Variants in FAM114A1 observed in about 807,000 individuals in gnomAD.
FAM114A1 encodes the protein family with sequence similarity 114 member A1, also known as protein NOXP20.
A neutral mutation model predicts 64.3 loss-of-function variants in FAM114A1; 62 were observed. The ratio of observed to expected loss-of-function variants is 0.96; its 90% CI spans 0.79 to 1.19. The LOEUF (loss-of-function observed/expected upper bound fraction) is 1.19. Ranked by LOEUF, FAM114A1 falls within the 50% of genes most tolerant of loss-of-function variation. FAM114A1 has a pLI of 0.00. For missense variants in FAM114A1, 645 were observed against 676.3 expected (o/e 0.95, Z 0.51); for synonymous variants, 254 against 251.1 (o/e 1.01, Z -0.11).
At chr4:38,905,084 CTCTT>C (rs1717856037) in intron 4 of FAM114A1, among the ~76,000 whole-genome samples, 1 of 152,146 alleles carries the variant, frequency 6.6e-6, no homozygotes, top group Non-Finnish European at 1.5e-5. Flanking sequence ...GCAGGGATTC[CTCTT>C]TCTTTCAATC....
rs117679360 is a variant in FAM114A1, at chr4:38,914,989, G to A, written c.861G>A (p.Ala287=). 2,476 of 1,614,104 alleles carry A rather than the reference G, an allele frequency of 1.5e-3. 60 individuals are homozygous for A. In the East Asian group the frequency reaches 0.05, roughly 33 times the overall value. The stretch of plus-strand genomic sequence containing the variant: ...AGCAGCTCACGATGGAGAGAACCGC[G>A]CACTACGGGATGCTGTTTGATGAAT... The part of the protein sequence containing the change: ...LAQQLTMERT[A]HYGMLFDEYQ... Residue 287 remains alanine (A), a synonymous_variant, in exon 8 of 15, where the codon GCG becomes GCA. Transcript: ENST00000358869.
intron 4 of FAM114A1, among the ~76,000 whole-genome samples, chr4:38,894,484 C>A (rs2109619979): frequency 6.6e-6 from 1 of 152,260 alleles, no homozygotes; most frequent in Middle Eastern, 3.4e-3. Flanking sequence ...TAATATCCCG[C>A]TTTTTAAGTA....
intron 5 of FAM114A1, 21 bp from the exon 6 acceptor site, chr4:38,905,734 G>A: frequency 1.2e-6 from 2 of 1,611,530 alleles, no homozygotes; most frequent in Non-Finnish European, 1.7e-6. Context: ...AACTCTTAAA[G>A]GATTTCTTTT....
chr4:38,886,075 A>G (rs781171969), intron 3 of FAM114A1, among the ~76,000 whole-genome samples: 38 of 152,096 alleles, frequency 2.5e-4, no homozygotes, highest in Non-Finnish European at 2.4e-4. Context: ...ACAGGAAGCC[A>G]CTTGACCTTG....
chr4:38,877,804 A>AAAACAC (rs1714798344), intron 2 of FAM114A1, among the ~76,000 whole-genome samples: 1 of 152,166 alleles, frequency 6.6e-6, no homozygotes, highest in African/African-American at 2.4e-5. Flanking sequence ...GTTTCTACTA[A>AAAACAC]AAACACAAAA....
intron 7 of FAM114A1, 93 bp from the exon 8 acceptor site, chr4:38,914,828 C>G: frequency 7.1e-7 from 1 of 1,408,658 alleles, no homozygotes; most frequent in Non-Finnish European, 9.5e-7. Context: ...CTCTCCAACA[C>G]AAAATCAGTC....
In FAM114A1 at chr4:38,943,394, G is replaced by A. The variant is rs1483913785; in HGVS notation, c.1591-62G>A. On this transcript the variant is annotated intron_variant, in intron 14 of 14. Transcript: ENST00000358869. ...GAAGAGTGGGAACATTATCCAATTGGAAGTATTGTCAAGGTTGAACTATGA... is the reference window on the plus strand; with the variant it reads ...GAAGAGTGGGAACATTATCCAATTGAAAGTATTGTCAAGGTTGAACTATGA... 7.3e-6 allele frequency: 10 copies of A among 1,367,930 alleles called. No individual in the cohort carries two copies. In the African/African-American group the frequency reaches 1.1e-4, roughly 16 times the overall value. 84.7% of individuals were successfully genotyped at this position (1,367,930 alleles called of 1,614,324 possible). A position where few individuals can be genotyped will look rare whatever the true frequency, so the allele number is the denominator to read the frequency against.
At chr4:38,886,958 G>A (rs939237944) in intron 3 of FAM114A1, among the ~76,000 whole-genome samples, 1 of 151,404 alleles carries the variant, frequency 6.6e-6, no homozygotes, top group African/African-American at 2.4e-5. Context: ...AATGTAGCCT[G>A]TACAGGGAAG....
At chr4:38,908,845 CAG>C in intron 7 of FAM114A1, 119 bp downstream of exon 7, 3 of 1,074,320 alleles carry the variant, frequency 2.8e-6, no homozygotes, top group Non-Finnish European at 3.8e-6. Context: ...CACCAAAGAG[CAG>C]AGAGAGAAAA....
chr4:38,916,489 G>T (rs1239095057), intron 8 of FAM114A1, among the ~76,000 whole-genome samples: 4 of 152,174 alleles, frequency 2.6e-5, no homozygotes, highest in Admixed American at 2.6e-4. Flanking sequence ...CCATAAAAAA[G>T]AATGAGTTCA....
At chr4:38,922,501 C>G (rs117021809) in intron 8 of FAM114A1, among the ~76,000 whole-genome samples, 21 of 152,318 alleles carry the variant, frequency 1.4e-4, no homozygotes, top group Admixed American at 1.3e-3. Flanking sequence ...GCAGCACATA[C>G]TGTGTGCAGT....
chr4:38,929,166 T>C (rs937032818), intron 9 of FAM114A1, 76 bp from the exon 10 acceptor site: 18 of 1,147,644 alleles, frequency 1.6e-5, no homozygotes, highest in Non-Finnish European at 1.8e-5. Context: ...AGCTGCAGGC[T>C]GTAATGTTGG....
At chr4:38,921,613 C>G (rs953460037) in intron 8 of FAM114A1, among the ~76,000 whole-genome samples, 7 of 152,182 alleles carry the variant, frequency 4.6e-5, no homozygotes, top group Non-Finnish European at 7.3e-5. Context: ...AAGAGGGGCT[C>G]TAAAGACAGT....
rs772054624 is a variant in FAM114A1, at chr4:38,943,512, G to T, written c.1647G>T (p.Leu549=). The part of the protein sequence containing the change: ...QDAFQLLLPV[L]QVSHIQTSCL... ...CCTTCCAGCTGCTGCTGCCTGTTCT[G>T]CAGGTCTCACATATCCAGACCAGTT... Residue 549 remains leucine (L), a synonymous_variant, in exon 15 of 15, where the codon CTG becomes CTT. Coordinates refer to ENST00000358869, the MANE Select transcript of FAM114A1 (RefSeq NM_138389.4). 1 of 1,614,076 alleles carries T rather than the reference G, an allele frequency of 6.2e-7. No homozygotes were observed. Among genetic ancestry groups the T allele is most frequent in the South Asian group, 1.1e-5 (1 of 91,076 alleles).
chr4:38,928,803 A>G (rs1267327001), intron 9 of FAM114A1, among the ~76,000 whole-genome samples: 2 of 152,226 alleles, frequency 1.3e-5, no homozygotes, highest in Non-Finnish European at 2.9e-5. Context: ...GCACCTGGGT[A>G]CCATTAGGGT....
intron 4 of FAM114A1, among the ~76,000 whole-genome samples, chr4:38,892,468 T>G (rs904401286): frequency 1.3e-5 from 2 of 152,210 alleles, no homozygotes; most frequent in African/African-American, 4.8e-5. Context: ...GGTTTTAAAT[T>G]TTTAAAGAAA....
chr4:38,934,918 CT>C (rs1211360132), intron 12 of FAM114A1, among the ~76,000 whole-genome samples: 5,889 of 145,690 alleles, frequency 0.04, 253 homozygotes, highest in African/African-American at 0.11. Flanking sequence ...AACTTTCTTA[CT>C]TTTTTTTTTT....
In FAM114A1 at chr4:38,914,589, G is replaced by C. The variant is rs538496580; in HGVS notation, c.793-332G>C. 103 of 177,092 alleles carry C rather than the reference G, an allele frequency of 5.8e-4. 1 individual carries two copies. The highest frequency in any genetic ancestry group is 5.6e-3 in the Admixed American group (93 of 16,640). The allele number at this position is 177,092 out of a possible 1,614,324, so 11.0% of individuals were successfully genotyped here. ...TCAAAATAAATAAATAAAATAATAA[G>C]AAAATAAGAAAGTTAATCACTCATG... On this transcript the variant is annotated intron_variant, in intron 7 of 14. Coordinates refer to ENST00000358869, the MANE Select transcript of FAM114A1 (RefSeq NM_138389.4).
intron 13 of FAM114A1, among the ~76,000 whole-genome samples, chr4:38,938,880 T>G (rs1395878781): frequency 6.6e-6 from 1 of 152,250 alleles, no homozygotes; most frequent in Non-Finnish European, 1.5e-5. Context: ...TGTGCATGTT[T>G]GTATTATATT....
Sources: allele counts gnomAD v4.1 joint callset (sites outside exome capture counted in the v4.1 genomes callset), GRCh38; gene constraint gnomAD v4.1.1; transcripts MANE v1.5; gene names NCBI Gene and HGNC (gene_info 2026-07-23, HGNC 2026-07-21).